Variants in NSD1 observed in about 807,000 individuals in gnomAD.
The protein encoded by NSD1 is nuclear receptor binding SET domain protein 1, also known as histone-lysine N-methyltransferase, H3 lysine-36 specific.
Under a neutral mutation model 242.7 loss-of-function variants are expected in NSD1, and 26 were observed. That is an observed-to-expected ratio of 0.11 (90% CI 0.08 to 0.15). The LOEUF (loss-of-function observed/expected upper bound fraction) is 0.15. NSD1 is among the 10% of genes least tolerant of loss of function. NSD1 has a pLI of 1.00. For synonymous variants in NSD1, 1,106 were observed against 1,178.1 expected (o/e 0.94, Z 1.25); for missense variants, 2,495 against 3,272.8 (o/e 0.76, Z 5.80).
chr5:177,243,520 G>C (rs1766048130), intron 8 of NSD1, among the ~76,000 whole-genome samples: 1 of 152,174 alleles, frequency 6.6e-6, no homozygotes, highest in Non-Finnish European at 1.5e-5. Flanking sequence ...TTTAAGTACA[G>C]GGTGGAGTGC....
intron 13 of NSD1, among the ~76,000 whole-genome samples, chr5:177,258,685 G>C (rs879671464): frequency 6.6e-6 from 1 of 152,010 alleles, no homozygotes; most frequent in Non-Finnish European, 1.5e-5. Flanking sequence ...ACAGGCACAT[G>C]CCACCATGCC....
At chr5:177,202,063 G>T (rs1762549219) in intron 3 of NSD1, among the ~76,000 whole-genome samples, 1 of 151,864 alleles carries the variant, frequency 6.6e-6, no homozygotes, top group Non-Finnish European at 1.5e-5. Context: ...AGCTACTTGG[G>T]AGGCTGAGGC....
In NSD1 at chr5:177,134,693, G is replaced by C. The variant is rs1053499393; in HGVS notation, c.-17-394G>C. ...GTACCTTTTTGTGCAGGGTCCAGGA[G>C]CCCCCCTCGGACCCCGCAGCCTTTT... is the stretch of plus-strand genomic sequence containing the variant. On this transcript the variant is annotated intron_variant, in intron 1 of 22. Transcript: ENST00000439151. The surrounding 1 kb of genome is among the most constrained non-coding windows in gnomAD (Gnocchi z 4.2). Among the ~76,000 whole-genome samples the C allele has an allele frequency of 2.6e-4, 40 of 152,208 alleles. No individual in the cohort carries two copies. Among genetic ancestry groups the C allele is most frequent in the Non-Finnish European group, 4.4e-4 (30 of 68,030 alleles).
chr5:177,204,786 G>T (rs10068127), intron 4 of NSD1, among the ~76,000 whole-genome samples: 25,332 of 149,222 alleles, frequency 0.17, 2,483 homozygotes, highest in East Asian at 0.48. Flanking sequence ...GGTTTTTTTT[G>T]TTTGTTTGTT....
In NSD1 at chr5:177,212,182, G is replaced by A. The variant is rs758299182; in HGVS notation, c.3783G>A (p.Glu1261=). ...TTCCCAGTTTGACACCACAGGCTGA[G>A]CTCCCTGAACCAGGTAAGGACATCT... The part of the protein sequence containing the change: ...PGIPSLTPQA[E]LPEPAVRSEK... Residue 1261 remains glutamate, a synonymous_variant, in exon 5 of 23, where the codon GAG becomes GAA. Transcript: ENST00000439151. 6 of 1,613,762 alleles carry A rather than the reference G, an allele frequency of 3.7e-6. No homozygotes were observed. In the South Asian group the frequency reaches 6.6e-5, roughly 18 times the overall value.
chr5:177,210,408 A>G lies in NSD1; in HGVS notation c.2009A>G (p.Asp670Gly), dbSNP rs749014401. The change falls in exon 5 of 23, where the codon GAT becomes GGT. Residue 670 changes from aspartate to glycine, a missense_variant. Coordinates refer to ENST00000439151, the MANE Select transcript of NSD1 (RefSeq NM_022455.5). ...NSVLEIPDAF[D>G]RTENMLSMQK... ...GTCCTTGAAATTCCAGATGCTTTCG[A>G]TAGAACAGAGAACATGTTATCTATG... The G allele has an allele frequency of 1.2e-6, 2 of 1,614,050 alleles. No individual in the cohort carries two copies. The highest frequency in any genetic ancestry group is 2.7e-5 in the African/African-American group (2 of 74,934).
Position 177,283,948 on chromosome 5 carries a change from TC to T in NSD1, c.6151+21del. ...AAGCAGGTAAGAATCATTTCAGGATTCTGCAGCTGACATCTGAATTTCAGGG... is the reference window on the plus strand; with the variant it reads ...AAGCAGGTAAGAATCATTTCAGGATTTGCAGCTGACATCTGAATTTCAGGG... On this transcript the variant is annotated intron_variant, in intron 20 of 22. Coordinates refer to ENST00000439151, the MANE Select transcript of NSD1 (RefSeq NM_022455.5). 1 of 1,614,118 alleles carries T rather than the reference TC, an allele frequency of 6.2e-7. No individual in the cohort carries two copies. Among genetic ancestry groups the T allele is most frequent in the African/African-American group, 1.3e-5 (1 of 75,060 alleles).
intron 2 of NSD1, among the ~76,000 whole-genome samples, chr5:177,139,577 G>A (rs568018580): frequency 6.6e-6 from 1 of 152,276 alleles, no homozygotes; most frequent in African/African-American, 2.4e-5. Flanking sequence ...GTTCACAGTT[G>A]ATTTAAGTTA....
At chr5:177,157,370 G>A (rs1446448889) in intron 2 of NSD1, among the ~76,000 whole-genome samples, 3 of 148,510 alleles carry the variant, frequency 2.0e-5, no homozygotes, top group Non-Finnish European at 3.0e-5. Flanking sequence ...TCGTCTCCAA[G>A]AAAAAAAAAA....
At position 177,164,366 on chromosome 5, in the gene NSD1, A is replaced by G. The variant is rs577958711; in HGVS notation, c.928-27518A>G. Among the ~76,000 whole-genome samples, 1,008 of 151,928 alleles carry G rather than the reference A, an allele frequency of 6.6e-3. 10 individuals are homozygous for G. Among genetic ancestry groups the G allele is most frequent in the Non-Finnish European group, 7.3e-3 (499 of 67,970 alleles). The stretch of plus-strand genomic sequence containing the variant: ...GAGACAGGGTTTCACCATGTTGGCC[A>G]GGCTGGTCTTTAACTCCTGACCTCA... On this transcript the variant is annotated intron_variant, in intron 2 of 22. Coordinates refer to ENST00000439151, the MANE Select transcript of NSD1 (RefSeq NM_022455.5).
chr5:177,267,453 T>G (rs1757584084), intron 14 of NSD1, 109 bp from the exon 15 acceptor site: 1 of 900,410 alleles, frequency 1.1e-6, no homozygotes, highest in African/African-American at 1.7e-5. Context: ...TTTTATTTAG[T>G]ATATCTTTTA....
rs57206832 is a variant in NSD1 at position 177,158,821 on chromosome 5, C to CAAAAAAAAAAAAAAA, written c.927+22805_927+22806insAAAAAAAAAAAAAAA. Reference sequence around the variant, plus strand: ...TAGGTGATGAAGTGAGACTTCATCTCAAAAAAAAAAAAAAGGAAGTAATGG... The same window carrying CAAAAAAAAAAAAAAA: ...TAGGTGATGAAGTGAGACTTCATCTCAAAAAAAAAAAAAAAAAAAAAAAAAAAAAGGAAGTAATGG... On this transcript the variant is annotated intron_variant, in intron 2 of 22. Transcript: ENST00000439151. 3.0e-4 allele frequency among the ~76,000 whole-genome samples: 24 copies of CAAAAAAAAAAAAAAA among 80,302 alleles called. 1 individual carries two copies. Among genetic ancestry groups the CAAAAAAAAAAAAAAA allele is most frequent in the Middle Eastern group, 0.014 (2 of 138 alleles). 52.7% of individuals were successfully genotyped at this position (80,302 alleles called of 152,430 possible).
chr5:177,284,455 G>T (rs1161353937), intron 20 of NSD1, among the ~76,000 whole-genome samples: 7 of 147,218 alleles, frequency 4.8e-5, no homozygotes, highest in Non-Finnish European at 9.0e-5. Context: ...TTTGTTTTTT[G>T]TTTTTTTTTT....
intron 13 of NSD1, among the ~76,000 whole-genome samples, chr5:177,258,777 C>T (rs572969247): frequency 4.9e-4 from 74 of 152,286 alleles, no homozygotes; most frequent in African/African-American, 1.7e-3. Flanking sequence ...GTCAGGTGAT[C>T]TGCCTGCCTC....
At chr5:177,277,562 GTTTTGGTTTGC>G (rs1758498316) in intron 17 of NSD1, among the ~76,000 whole-genome samples, 1 of 152,144 alleles carries the variant, frequency 6.6e-6, no homozygotes, top group African/African-American at 2.4e-5. Flanking sequence ...TGTGGGATTT[GTTTTGGTTTGC>G]TTTTGGTTTA....
chr5:177,179,025 A>G lies in NSD1; in HGVS notation c.928-12859A>G, dbSNP rs144477720. 7.3e-3 allele frequency among the ~76,000 whole-genome samples: 1,109 copies of G among 152,302 alleles called. 9 individuals are homozygous for G. The highest frequency in any genetic ancestry group is 0.012 in the Non-Finnish European group (843 of 68,022). ...AAGTATAAGTAGCTATTAGCCAGAT[A>G]GGAAAATGAAGCGTGCCTTAGATTG... is the stretch of plus-strand genomic sequence containing the variant. On this transcript the variant is annotated intron_variant, in intron 2 of 22. Coordinates refer to ENST00000439151, the MANE Select transcript of NSD1 (RefSeq NM_022455.5).
At chr5:177,141,334 T>C (rs1451413361) in intron 2 of NSD1, among the ~76,000 whole-genome samples, 1 of 141,354 alleles carries the variant, frequency 7.1e-6, no homozygotes, top group Non-Finnish European at 1.5e-5. Context: ...TTTTTTTTTT[T>C]TTTTTTTTTT....
intron 20 of NSD1, among the ~76,000 whole-genome samples, chr5:177,286,297 T>G (rs754742714): frequency 6.6e-6 from 1 of 152,236 alleles, no homozygotes; most frequent in Admixed American, 6.5e-5. Flanking sequence ...GAGCCACTAG[T>G]TACTTTCGGG....
chr5:177,290,039 A>G (rs1290128117), intron 21 of NSD1, among the ~76,000 whole-genome samples: 2 of 151,722 alleles, frequency 1.3e-5, no homozygotes, highest in Non-Finnish European at 2.9e-5. Flanking sequence ...GTTGTTAGCC[A>G]GGTTGGTCTC....
Sources: allele counts gnomAD v4.1 joint callset (sites outside exome capture counted in the v4.1 genomes callset), GRCh38; gene constraint gnomAD v4.1.1; non-coding constraint Gnocchi (gnomAD v3.1); transcripts MANE v1.5; gene names NCBI Gene and HGNC (gene_info 2026-07-23, HGNC 2026-07-21).